The following NHSL3 variants were observed in gnomAD, a reference collection of about 807,000 sequenced individuals.
NHSL3 encodes NHS like 3.
the NHSL3 span, among the ~76,000 whole-genome samples, chr1:32,749,336 G>A: frequency 1.3e-5 from 2 of 152,150 alleles, no homozygotes; most frequent in Non-Finnish European, 1.5e-5. Flanking sequence ...GGCAGAGACT[G>A]GGTTGACAGA....
At chr1:32,771,819 G>A in the NHSL3 span, 37 of 1,611,894 alleles carry the variant, frequency 2.3e-5, no homozygotes, top group Non-Finnish European at 3.1e-5. Flanking sequence ...CCCTGGTCAC[G>A]CCCTCGCTCC....
the NHSL3 span, chr1:32,770,906 G>C: frequency 6.2e-6 from 10 of 1,610,400 alleles, no homozygotes; most frequent in Non-Finnish European, 7.6e-6. The surrounding 1 kb of genome is among the most constrained non-coding windows in gnomAD (Gnocchi z 8.3). Flanking sequence ...TCCCCAGAAC[G>C]GACACTTTCG....
At chr1:32,774,009 G>C in the NHSL3 span, 1 of 152,724 alleles carries the variant, frequency 6.5e-6, no homozygotes, top group East Asian at 1.9e-4. Context: ...GGGGCACCCA[G>C]TGCTTCTAGG....
the NHSL3 span, among the ~76,000 whole-genome samples, chr1:32,765,361 C>CA: frequency 6.6e-6 from 1 of 151,912 alleles, no homozygotes; most frequent in Non-Finnish European, 1.5e-5. Flanking sequence ...GGCACCCTGC[C>CA]AAGTCTAGTC....
chr1:32,754,126 G>T, the NHSL3 span: 2 of 711,602 alleles, frequency 2.8e-6, no homozygotes, highest in Non-Finnish European at 5.2e-6. Flanking sequence ...GGCCCCCAGC[G>T]GTCCCCGGGT....
the NHSL3 span, chr1:32,742,335 C>G: frequency 5.1e-6 from 4 of 779,308 alleles, no homozygotes; most frequent in Admixed American, 4.4e-5. Context: ...GGGCTGAGTC[C>G]GAACACTTCC....
the NHSL3 span, chr1:32,765,817 TAAG>T: frequency 4.4e-4 from 679 of 1,547,070 alleles, 4 homozygotes; most frequent in African/African-American, 5.7e-3. Context: ...TAGGGCTGTT[TAAG>T]AAGAAGGGTG....
chr1:32,769,762 C>T, the NHSL3 span: 1 of 1,614,012 alleles, frequency 6.2e-7, no homozygotes. Flanking sequence ...GCTGGGACTC[C>T]CGCAGCATGT....
the NHSL3 span, among the ~76,000 whole-genome samples, chr1:32,756,657 CAAAAAAA>C: frequency 1.2e-4 from 6 of 49,960 alleles, no homozygotes; most frequent in African/African-American, 5.1e-4. Flanking sequence ...ACCCTGTCTC[CAAAAAAA>C]AAAAAAAAAA....
chr1:32,770,783 G>A, the NHSL3 span: 6 of 1,583,528 alleles, frequency 3.8e-6, no homozygotes, highest in East Asian at 2.3e-5. The surrounding 1 kb of genome is among the most constrained non-coding windows in gnomAD (Gnocchi z 8.3). Context: ...CAGCTGCCTC[G>A]GCCACCCACC....
chr1:32,762,536 C>T, the NHSL3 span, among the ~76,000 whole-genome samples: 1 of 150,624 alleles, frequency 6.6e-6, no homozygotes, highest in African/African-American at 2.4e-5. Context: ...AATTATAGCT[C>T]ACTGTAACCT....
chr1:32,763,287 A>G, the NHSL3 span, among the ~76,000 whole-genome samples: 1 of 151,782 alleles, frequency 6.6e-6, no homozygotes, highest in East Asian at 2.0e-4. Context: ...CACGGCCAGA[A>G]TATTTTTTAA....
the NHSL3 span, among the ~76,000 whole-genome samples, chr1:32,743,843 T>C: frequency 1.3e-5 from 2 of 152,160 alleles, no homozygotes; most frequent in African/African-American, 4.8e-5. Context: ...TCGGCCTGAT[T>C]TGAGCCCACG....
chr1:32,769,657 C>G, the NHSL3 span: 2 of 1,597,718 alleles, frequency 1.3e-6, no homozygotes, highest in Non-Finnish European at 1.7e-6. Context: ...GTTTTTCTCC[C>G]ACGACTGGCC....
chr1:32,744,897 G>C, the NHSL3 span, among the ~76,000 whole-genome samples: 1 of 151,908 alleles, frequency 6.6e-6, no homozygotes, highest in Admixed American at 6.6e-5. Flanking sequence ...AGACCGAGGC[G>C]GGCAGATTGC....
the NHSL3 span, among the ~76,000 whole-genome samples, chr1:32,744,774 G>A: frequency 1.3e-5 from 2 of 152,202 alleles, no homozygotes; most frequent in Non-Finnish European, 2.9e-5. Context: ...GCTGGACATT[G>A]CCTTGATGGG....
At chr1:32,751,349 C>T in the NHSL3 span, among the ~76,000 whole-genome samples, 36 of 152,316 alleles carry the variant, frequency 2.4e-4, no homozygotes, top group Admixed American at 1.8e-3. Context: ...CAAGCGTCAC[C>T]GTTGCTACTA....
At chr1:32,766,421 T>A in the NHSL3 span, among the ~76,000 whole-genome samples, 1 of 152,150 alleles carries the variant, frequency 6.6e-6, no homozygotes, top group Non-Finnish European at 1.5e-5. Flanking sequence ...AACCTGGAGT[T>A]GAGTCCAGGG....
At chr1:32,772,999 C>A in the NHSL3 span, 7 of 1,050,968 alleles carry the variant, frequency 6.7e-6, no homozygotes, top group Admixed American at 1.2e-4. Flanking sequence ...AGAGAGGGCG[C>A]CTGCAGCCTT....
Sources: allele counts gnomAD v4.1 joint callset (sites outside exome capture counted in the v4.1 genomes callset), GRCh38; gene constraint gnomAD v4.1.1; non-coding constraint Gnocchi (gnomAD v3.1); transcripts MANE v1.5; gene names NCBI Gene and HGNC (gene_info 2026-07-23, HGNC 2026-07-21).